The following FSTL5 variants were observed in gnomAD, a reference collection of about 807,000 sequenced individuals.
FSTL5 encodes follistatin like 5, also known as follistatin-related protein 5.
In FSTL5, 62 loss-of-function variants were observed where a neutral mutation model predicts 89.1. That is an observed-to-expected ratio of 0.70 (90% CI 0.57 to 0.86). The LOEUF (loss-of-function observed/expected upper bound fraction) is 0.86, where lower values mean the gene tolerates loss of function less well. FSTL5 is among the 40% of genes least tolerant of loss of function. The pLI, the probability that FSTL5 is intolerant of heterozygous loss-of-function variation, is 0.00. For synonymous variants in FSTL5, 383 were observed against 346.2 expected, an observed-to-expected ratio of 1.11 and a Z score of -1.18; for missense variants, 1,057 against 1,001.6, an observed-to-expected ratio of 1.06 and a Z score of -0.75.
chr4:161,474,374 A>C (rs1734050871), intron 13 of FSTL5, among the ~76,000 whole-genome samples: 1 of 152,192 alleles, frequency 6.6e-6, no homozygotes, highest in South Asian at 2.1e-4. Flanking sequence ...AAGTTACAAT[A>C]ATAATAACTT....
chr4:161,730,012 A>G (rs1304149336), intron 6 of FSTL5, among the ~76,000 whole-genome samples: 1 of 152,206 alleles, frequency 6.6e-6, no homozygotes, highest in East Asian at 1.9e-4. Context: ...TCATGAAAGT[A>G]TAGGTGATGT....
At chr4:161,501,041 G>T (rs1377014275) in intron 11 of FSTL5, among the ~76,000 whole-genome samples, 1 of 151,848 alleles carries the variant, frequency 6.6e-6, no homozygotes, top group African/African-American at 2.4e-5. Context: ...TGTTATATTG[G>T]TTTACACAGT....
At chr4:161,897,594 A>G (rs1344734988) in intron 4 of FSTL5, among the ~76,000 whole-genome samples, 2 of 141,188 alleles carry the variant, frequency 1.4e-5, no homozygotes, top group Admixed American at 7.2e-5. Context: ...AAAAAAAAAA[A>G]GAAAAAAAAT....
At chr4:161,779,795 A>ATATATATATG (rs1741578323) in intron 4 of FSTL5, among the ~76,000 whole-genome samples, 5 of 52,974 alleles carry the variant, frequency 9.4e-5, no homozygotes, top group African/African-American at 1.3e-4. Context: ...ATATATATAT[A>ATATATATATG]TATATATATA....
intron 6 of FSTL5, among the ~76,000 whole-genome samples, chr4:161,698,367 G>A (rs1738258690): frequency 6.6e-6 from 1 of 152,280 alleles, no homozygotes; most frequent in Admixed American, 6.5e-5. Flanking sequence ...TGAAGTGGCT[G>A]GCAGGTGGGT....
chr4:161,583,485 A>T (rs28497204), intron 8 of FSTL5, among the ~76,000 whole-genome samples: 1 of 152,320 alleles, frequency 6.6e-6, no homozygotes. Flanking sequence ...TTGGGTCTGT[A>T]TTATAGCAGT....
rs1384802 is a variant in FSTL5 at position 162,024,729 on chromosome 4, A to C, written c.160+8896T>G. On this transcript the variant is annotated intron_variant, in intron 3 of 15. Transcript: ENST00000306100. The stretch of plus-strand genomic sequence containing the variant: ...CAGGCTAGAATGCAGTGGCATGATC[A>C]TAGTTACTGCAGCCTTTAACTCAAG... Among the ~76,000 whole-genome samples, 255 of 152,150 alleles carry C rather than the reference A, an allele frequency of 1.7e-3. 6 individuals carry two copies. In the South Asian group the frequency reaches 0.052, roughly 31 times the overall value.
At chr4:162,044,492 G>C (rs879932785) in intron 2 of FSTL5, among the ~76,000 whole-genome samples, 4 of 152,014 alleles carry the variant, frequency 2.6e-5, no homozygotes, top group African/African-American at 7.2e-5. Context: ...AGGACCTCAG[G>C]GTTTTCAGAA....
intron 7 of FSTL5, among the ~76,000 whole-genome samples, chr4:161,640,870 T>A (rs1342223624): frequency 6.6e-6 from 1 of 152,140 alleles, no homozygotes; most frequent in African/African-American, 2.4e-5. Context: ...CAATCAAACC[T>A]TTAAGAGCCA....
Position 161,636,446 on chromosome 4 carries a change from GT to G in FSTL5, c.894+19881del, listed in dbSNP as rs796867744. Reference sequence around the variant, plus strand: ...TTTGACTTTTTGAATTCTGGCAGTTGTTTTTTTTTTTTTCTTTTTTTTTTTT... The same window carrying G: ...TTTGACTTTTTGAATTCTGGCAGTTGTTTTTTTTTTTTCTTTTTTTTTTTT... On this transcript the variant is annotated intron_variant, in intron 7 of 15. Transcript: ENST00000306100. 9.1e-3 allele frequency among the ~76,000 whole-genome samples: 996 copies of G among 109,760 alleles called. 7 individuals are homozygous for G. The highest frequency in any genetic ancestry group is 0.013 in the Non-Finnish European group (708 of 54,280). The allele number at this position is 109,760 out of a possible 152,430, so 72.0% of individuals were successfully genotyped here. A position where few individuals can be genotyped will look rare whatever the true frequency, so the allele number is the denominator to read the frequency against.
intron 3 of FSTL5, among the ~76,000 whole-genome samples, chr4:162,011,403 C>A (rs1047402545): frequency 4.6e-5 from 7 of 152,114 alleles, no homozygotes; most frequent in African/African-American, 1.4e-4. Context: ...TAACAAAAAT[C>A]ATATTTTTCT....
chr4:161,386,432 T>A lies in FSTL5; in HGVS notation c.1859A>T (p.His620Leu). 6.2e-7 allele frequency: 1 copy of A among 1,609,470 alleles called. No individual in the cohort carries two copies. Among genetic ancestry groups the A allele is most frequent in the Non-Finnish European group, 8.5e-7 (1 of 1,177,676 alleles). ...TTTTTGTAGTGCAGCTTCATCTTTA[T>A]GAAGAATAAATCCAAACCTGAAAAA... Reference protein sequence around the residue: ...ITHMRFGFILHKDEAALQKID... With the variant: ...ITHMRFGFILLKDEAALQKID... The change falls in exon 16 of 16, where the codon CAT (histidine) becomes CTT (leucine). Residue 620 changes from histidine (H) to leucine (L), a missense_variant. His to Leu is a moderately conservative substitution (Grantham distance 99). This residue lies in a region of FSTL5 where 980 missense variants were observed against 903.2 expected (regional missense o/e 1.08). Transcript: ENST00000306100.
intron 1 of FSTL5, among the ~76,000 whole-genome samples, chr4:162,138,178 C>T (rs12505723): frequency 0.23 from 35,369 of 152,008 alleles, 4,311 homozygotes; most frequent in Non-Finnish European, 0.26. Flanking sequence ...AGCCTTCTTG[C>T]TCTTCAATGT....
At chr4:161,425,174 T>C (rs1732128707) in intron 15 of FSTL5, among the ~76,000 whole-genome samples, 1 of 152,210 alleles carries the variant, frequency 6.6e-6, no homozygotes, top group Non-Finnish European at 1.5e-5. Context: ...ACACTGCAAA[T>C]GAGCTTCAAT....
rs569941039 is a variant in FSTL5, at chr4:161,667,232, A to T, written c.728-10738T>A. Among the ~76,000 whole-genome samples the T allele has an allele frequency of 7.2e-5, 11 of 152,242 alleles. No homozygotes were observed. The East Asian group carries it at 2.1e-3, about 29-fold the overall frequency. ...CTTTCAAATGAATTATATAAAGTTGAATTTTAAACTAAAATAATAAAGGTT... is the reference window on the plus strand; with the variant it reads ...CTTTCAAATGAATTATATAAAGTTGTATTTTAAACTAAAATAATAAAGGTT... On this transcript the variant is annotated intron_variant, in intron 6 of 15. Coordinates refer to ENST00000306100, the MANE Select transcript of FSTL5 (RefSeq NM_020116.5).
At chr4:161,624,357 A>G (rs1735238781) in intron 7 of FSTL5, among the ~76,000 whole-genome samples, 1 of 152,048 alleles carries the variant, frequency 6.6e-6, no homozygotes, top group Non-Finnish European at 1.5e-5. Context: ...GTATGTATCC[A>G]TAGATAATAA....
chr4:161,708,530 A>G (rs1738665586), intron 6 of FSTL5, among the ~76,000 whole-genome samples: 1 of 152,042 alleles, frequency 6.6e-6, no homozygotes, highest in East Asian at 1.9e-4. Flanking sequence ...TGTTCCCCTT[A>G]AAGCATATTT....
chr4:161,647,720 G>T (rs964359830), intron 7 of FSTL5, among the ~76,000 whole-genome samples: 7 of 152,170 alleles, frequency 4.6e-5, no homozygotes, highest in South Asian at 2.1e-4. Context: ...GATGCGGAAA[G>T]GGGGAAGGGA....
rs1034323367 is a variant in FSTL5 at position 161,901,394 on chromosome 4, T to C, written c.409+19010A>G. Reference sequence around the variant, plus strand: ...GTTTTAGTACTGATGTATAGGAAGATGAGCTGATTCCTATCATGCAGATAC... The same window carrying C: ...GTTTTAGTACTGATGTATAGGAAGACGAGCTGATTCCTATCATGCAGATAC... On this transcript the variant is annotated intron_variant, in intron 4 of 15. Transcript: ENST00000306100. 2.6e-5 allele frequency among the ~76,000 whole-genome samples: 4 copies of C among 152,140 alleles called. No individual in the cohort carries two copies. The South Asian group carries it at 8.3e-4, about 32-fold the overall frequency.
Sources: allele counts gnomAD v4.1 joint callset (sites outside exome capture counted in the v4.1 genomes callset), GRCh38; gene constraint gnomAD v4.1.1; regional missense constraint gnomAD v4.1.1; transcripts MANE v1.5; gene names NCBI Gene and HGNC (gene_info 2026-07-23, HGNC 2026-07-21).